The following FGF7 variants were observed in gnomAD, a reference collection of about 807,000 sequenced individuals.
The protein encoded by FGF7 is FGF-7.
FGF7 carries 6 observed loss-of-function variants against 20.5 expected under a neutral mutation model. The ratio of observed to expected loss-of-function variants is 0.29; its 90% CI spans 0.16 to 0.58. The LOEUF (loss-of-function observed/expected upper bound fraction) is 0.58, where lower values mean the gene tolerates loss of function less well. Ranked by LOEUF, FGF7 falls within the 20% of genes least tolerant of loss-of-function variation. The pLI, the probability that FGF7 is intolerant of heterozygous loss-of-function variation, is 0.90. For synonymous variants in FGF7, 64 were observed against 74.7 expected (o/e 0.86, Z 0.74); for missense variants, 144 against 228.8 (o/e 0.63, Z 2.39).
chr15:49,441,181 G>C (rs1423027680), intron 2 of FGF7, among the ~76,000 whole-genome samples: 1 of 151,720 alleles, frequency 6.6e-6, no homozygotes, highest in African/African-American at 2.4e-5. Context: ...AAGTGGAAGA[G>C]ACTGCAGAAG....
At chr15:49,445,112 G>A (rs903825140) in intron 2 of FGF7, among the ~76,000 whole-genome samples, 1 of 151,238 alleles carries the variant, frequency 6.6e-6, no homozygotes, top group African/African-American at 2.4e-5. Context: ...ATTTAAAATG[G>A]TTGGTGTTTT....
chr15:49,434,760 A>C (rs1178998894), intron 2 of FGF7: 1 of 151,594 alleles, frequency 6.6e-6, no homozygotes, highest in African/African-American at 2.4e-5. Flanking sequence ...CAGCAACTTA[A>C]ATTAAATCTA....
chr15:49,440,028 T>C (rs2051488735), intron 2 of FGF7, among the ~76,000 whole-genome samples: 2 of 151,900 alleles, frequency 1.3e-5, no homozygotes, highest in South Asian at 4.1e-4. Context: ...AATAAAAGTT[T>C]AAGAAGCACT....
Position 49,446,090 on chromosome 15 carries a change from A to G in FGF7, c.286+21507A>G, listed in dbSNP as rs1326238791. On this transcript the variant is annotated intron_variant, in intron 2 of 3. Transcript: ENST00000267843. The stretch of plus-strand genomic sequence containing the variant: ...ATAACAATGTTTTATTAAATAATTC[A>G]CTACCTTTTAAGTAAAGATGAAGTA... Among the ~76,000 whole-genome samples the G allele has an allele frequency of 6.6e-5, 10 of 151,732 alleles. 1 individual carries two copies. Among genetic ancestry groups the G allele is most frequent in the African/African-American group, 2.4e-4 (10 of 41,500 alleles).
In FGF7 at chr15:49,423,388, G is replaced by A. The variant is rs1211066126; in HGVS notation, c.-319G>A. On this transcript the variant is annotated 5_prime_UTR_variant, in exon 1 of 4. Coordinates refer to ENST00000267843, the MANE Select transcript of FGF7 (RefSeq NM_002009.4). ...CAGTAGAAAGGCTCAAGTTGCACCA[G>A]GCAGACAACAGACATGGAATTCTTA... 1 of 152,136 alleles carries A rather than the reference G, an allele frequency of 6.6e-6. No homozygotes were observed. The highest frequency in any genetic ancestry group is 1.5e-5 in the Non-Finnish European group (1 of 68,014). The allele number at this position is 152,136 out of a possible 1,614,324, so 9.4% of individuals were successfully genotyped here.
chr15:49,443,163 T>C (rs900707245), intron 2 of FGF7, among the ~76,000 whole-genome samples: 2 of 151,730 alleles, frequency 1.3e-5, no homozygotes, highest in Admixed American at 1.3e-4. Context: ...TTCAAAAATT[T>C]TGTTAACTTA....
chr15:49,445,609 G>T (rs2052121888), intron 2 of FGF7, among the ~76,000 whole-genome samples: 1 of 151,302 alleles, frequency 6.6e-6, no homozygotes, highest in Middle Eastern at 3.2e-3. Flanking sequence ...ACTATACACT[G>T]TATATATGAA....
At chr15:49,459,007 C>G (rs1477141106) in intron 2 of FGF7, among the ~76,000 whole-genome samples, 1 of 152,148 alleles carries the variant, frequency 6.6e-6, no homozygotes, top group Non-Finnish European at 1.5e-5. Flanking sequence ...TCCTTCATTT[C>G]TATTAAAAAA....
At chr15:49,440,317 G>C (rs1402780667) in intron 2 of FGF7, among the ~76,000 whole-genome samples, 1 of 151,660 alleles carries the variant, frequency 6.6e-6, no homozygotes, top group Non-Finnish European at 1.5e-5. Flanking sequence ...ATGTCAAAAA[G>C]TTGATATATT....
rs1454685651 is a variant in FGF7 at position 49,488,418 on chromosome 15, T to A, written c.*3914T>A. 2 of 151,952 alleles carry A rather than the reference T, an allele frequency of 1.3e-5. No homozygotes were observed. Among genetic ancestry groups the A allele is most frequent in the Admixed American group, 6.6e-5 (1 of 15,218 alleles). 9.4% of individuals were successfully genotyped at this position (151,952 alleles called of 1,614,324 possible). A position where few individuals can be genotyped will look rare whatever the true frequency, so the allele number is the denominator to read the frequency against. ...CAGGAAAATTTACTTTCTCTTGAGT[T>A]GAAAAACTTGACAGGAAGCAAGAAA... On this transcript the variant is annotated 3_prime_UTR_variant, in exon 4 of 4. Transcript: ENST00000267843.
chr15:49,456,927 A>T (rs555986519), intron 2 of FGF7, among the ~76,000 whole-genome samples: 59 of 152,232 alleles, frequency 3.9e-4, no homozygotes, highest in African/African-American at 1.4e-3. Flanking sequence ...TTTAATTTTT[A>T]AAAAGATACC....
intron 2 of FGF7, among the ~76,000 whole-genome samples, chr15:49,436,036 T>C (rs2051072970): frequency 6.6e-6 from 1 of 151,506 alleles, no homozygotes; most frequent in African/African-American, 2.4e-5. Context: ...AAGCTTGCAA[T>C]TACACAGTTA....
intron 2 of FGF7, among the ~76,000 whole-genome samples, chr15:49,439,893 G>C (rs2051474084): frequency 6.6e-6 from 1 of 151,734 alleles, no homozygotes; most frequent in East Asian, 1.9e-4. Flanking sequence ...AGATCATAGA[G>C]TCCAGAGATT....
At chr15:49,467,073 G>A (rs1423723539) in intron 2 of FGF7, among the ~76,000 whole-genome samples, 4 of 152,098 alleles carry the variant, frequency 2.6e-5, no homozygotes, top group Non-Finnish European at 5.9e-5. Flanking sequence ...TTAGACACAA[G>A]TTAAAGAGGG....
At chr15:49,429,732 TG>T (rs2050429060) in intron 2 of FGF7, among the ~76,000 whole-genome samples, 1 of 151,966 alleles carries the variant, frequency 6.6e-6, no homozygotes, top group Non-Finnish European at 1.5e-5. Context: ...AGGTACAGTC[TG>T]GGCATCAGGA....
At chr15:49,443,674 A>C (rs1006849623) in intron 2 of FGF7, among the ~76,000 whole-genome samples, 2 of 151,762 alleles carry the variant, frequency 1.3e-5, no homozygotes, top group African/African-American at 4.8e-5. Context: ...TCCAATATAC[A>C]TCTTCATTCA....
intron 2 of FGF7, among the ~76,000 whole-genome samples, chr15:49,440,420 G>C (rs1368173986): frequency 6.6e-6 from 1 of 151,652 alleles, no homozygotes; most frequent in African/African-American, 2.4e-5. Context: ...AGGAAAAAGA[G>C]ATCAGCAAAT....
chr15:49,441,321 G>A (rs916105696), intron 2 of FGF7, among the ~76,000 whole-genome samples: 10 of 151,746 alleles, frequency 6.6e-5, no homozygotes, highest in African/African-American at 2.4e-4. Context: ...AGGCTCATTA[G>A]GGGATACAAT....
intron 2 of FGF7, among the ~76,000 whole-genome samples, chr15:49,438,853 T>G (rs1287856242): frequency 6.9e-6 from 1 of 144,562 alleles, no homozygotes; most frequent in Non-Finnish European, 1.5e-5. Flanking sequence ...GAGTGGGTGG[T>G]AAGGTGAGAG....
Sources: allele counts gnomAD v4.1 joint callset (sites outside exome capture counted in the v4.1 genomes callset), GRCh38; gene constraint gnomAD v4.1.1; transcripts MANE v1.5; gene names NCBI Gene and HGNC (gene_info 2026-07-23, HGNC 2026-07-21).